The following OR1J2 variants were observed in gnomAD, a reference collection of about 807,000 sequenced individuals.
OR1J2 encodes olfactory receptor 1J2.
For synonymous variants in OR1J2, 142 were observed against 99.7 expected, an observed-to-expected ratio of 1.42 and a Z score of -2.52; for missense variants, 304 against 246.1, an observed-to-expected ratio of 1.24 and a Z score of -1.57.
the OR1J2 span, among the ~76,000 whole-genome samples, chr9:122,501,838 T>C: frequency 6.6e-6 from 1 of 151,950 alleles, no homozygotes; most frequent in Non-Finnish European, 1.5e-5. Flanking sequence ...GAAACAGCAA[T>C]AGGAGAGTGG....
At chr9:122,473,987 T>C in the OR1J2 span, among the ~76,000 whole-genome samples, 1 of 152,288 alleles carries the variant, frequency 6.6e-6, no homozygotes, top group Non-Finnish European at 1.5e-5. Flanking sequence ...TACTGCATGT[T>C]GTACCCAGGT....
downstream of OR1J2, among the ~76,000 whole-genome samples, chr9:122,512,525 C>T (rs1828652780): frequency 6.6e-6 from 1 of 152,164 alleles, no homozygotes; most frequent in South Asian, 2.1e-4. Flanking sequence ...CATCTGAATT[C>T]TGGTAGTAGA....
the OR1J2 span, among the ~76,000 whole-genome samples, chr9:122,531,869 C>A: frequency 7.2e-5 from 11 of 152,202 alleles, no homozygotes; most frequent in Non-Finnish European, 1.3e-4. Context: ...CTTCTTAGAA[C>A]CTGTGGGAAA....
chr9:122,567,611 G>A, the OR1J2 span: 2 of 1,613,094 alleles, frequency 1.2e-6, no homozygotes, highest in Non-Finnish European at 1.7e-6. Flanking sequence ...TCAGGCTGTA[G>A]ATAAAAGGAT....
the OR1J2 span, among the ~76,000 whole-genome samples, chr9:122,527,608 A>G: frequency 2.0e-5 from 3 of 152,148 alleles, no homozygotes; most frequent in Admixed American, 1.3e-4. Flanking sequence ...TAGGCTGTCT[A>G]TGTGAGTAGA....
At chr9:122,516,393 TCCCGGGTTCACGC>T (rs1305659515), downstream of OR1J2, among the ~76,000 whole-genome samples, 1 of 136,750 alleles carries the variant, frequency 7.3e-6, no homozygotes, top group Admixed American at 8.1e-5. Context: ...AAGCTCCGCC[TCCCGGGTTCACGC>T]CCTTCTCCTG....
the OR1J2 span, among the ~76,000 whole-genome samples, chr9:122,504,959 T>C: frequency 6.6e-6 from 1 of 152,130 alleles, no homozygotes; most frequent in African/African-American, 2.4e-5. Context: ...CAGCCCACTT[T>C]GAGTTTGCTA....
chr9:122,505,147 T>A, the OR1J2 span, among the ~76,000 whole-genome samples: 1 of 152,152 alleles, frequency 6.6e-6, no homozygotes, highest in Non-Finnish European at 1.5e-5. Context: ...GCATATAAGC[T>A]CTCTCAGTCT....
downstream of OR1J2, among the ~76,000 whole-genome samples, chr9:122,516,345 C>G (rs1309164085): frequency 6.9e-6 from 1 of 145,062 alleles, no homozygotes; most frequent in Non-Finnish European, 1.5e-5. Flanking sequence ...GCTCTGTCGC[C>G]CAGGCTGGAG....
the OR1J2 span, among the ~76,000 whole-genome samples, chr9:122,472,008 C>T: frequency 1.3e-5 from 2 of 152,160 alleles, no homozygotes; most frequent in Non-Finnish European, 2.9e-5. Context: ...GGTCAGGTAC[C>T]ATCAATAAAG....
chr9:122,495,306 C>T, the OR1J2 span, among the ~76,000 whole-genome samples: 2 of 152,130 alleles, frequency 1.3e-5, no homozygotes, highest in African/African-American at 4.8e-5. Context: ...TTCTCTTCTT[C>T]CTTGGGAACA....
chr9:122,505,410 A>G, the OR1J2 span, among the ~76,000 whole-genome samples: 1 of 152,118 alleles, frequency 6.6e-6, no homozygotes, highest in Non-Finnish European at 1.5e-5. Flanking sequence ...TAACCTATTA[A>G]TCAATTAACC....
the OR1J2 span, among the ~76,000 whole-genome samples, chr9:122,561,590 C>T: frequency 6.6e-6 from 1 of 152,076 alleles, no homozygotes; most frequent in African/African-American, 2.4e-5. Context: ...TCAGGTCCCT[C>T]TTCTGTAGGG....
At chr9:122,497,744 T>C in the OR1J2 span, among the ~76,000 whole-genome samples, 1 of 152,174 alleles carries the variant, frequency 6.6e-6, no homozygotes, top group African/African-American at 2.4e-5. Flanking sequence ...CTAGTTCCTC[T>C]AAGTGTGATG....
chr9:122,526,732 A>G, the OR1J2 span: 1 of 1,614,196 alleles, frequency 6.2e-7, no homozygotes, highest in Non-Finnish European at 8.5e-7. Context: ...TGGGTGTCAG[A>G]ACATGACAGC....
the OR1J2 span, among the ~76,000 whole-genome samples, chr9:122,537,895 G>A: frequency 1.3e-5 from 2 of 152,158 alleles, no homozygotes; most frequent in Non-Finnish European, 2.9e-5. Context: ...GAATGCAAAG[G>A]CTTTTATAAG....
chr9:122,571,701 C>T, the OR1J2 span, among the ~76,000 whole-genome samples: 7 of 143,760 alleles, frequency 4.9e-5, no homozygotes, highest in Admixed American at 1.4e-4. Flanking sequence ...GGCGACAGAG[C>T]GAGACTCAGT....
the OR1J2 span, among the ~76,000 whole-genome samples, chr9:122,575,075 T>G: frequency 1.3e-5 from 2 of 152,152 alleles, no homozygotes; most frequent in Non-Finnish European, 2.9e-5. Context: ...ATAAATCTTT[T>G]TATACATTGT....
the OR1J2 span, among the ~76,000 whole-genome samples, chr9:122,574,959 G>T: frequency 6.6e-6 from 1 of 152,174 alleles, no homozygotes; most frequent in East Asian, 1.9e-4. Flanking sequence ...ATGTATTCAT[G>T]TGGCTTTTCT....
Sources: gnomAD v4.1 joint callset for allele counts (sites outside exome capture counted in the v4.1 genomes callset) on GRCh38, gnomAD v4.1.1 for gene constraint, MANE v1.5 for transcripts, NCBI Gene and HGNC (gene_info 2026-07-23, HGNC 2026-07-21) for gene names.